The following PLCE1 variants were observed in gnomAD, a reference collection of about 807,000 sequenced individuals.
PLCE1 encodes the protein phospholipase C epsilon 1, also known as 1-phosphatidylinositol 4,5-bisphosphate phosphodiesterase epsilon-1.
PLCE1 carries 119 observed loss-of-function variants against 242.8 expected under a neutral mutation model. The observed-to-expected ratio is 0.49, with a 90% CI of 0.42 to 0.57. The LOEUF (loss-of-function observed/expected upper bound fraction) is 0.57, where lower values mean the gene tolerates loss of function less well. PLCE1 is among the 20% of genes least tolerant of loss of function. PLCE1 has a pLI of 0.00. For synonymous variants in PLCE1, 945 were observed against 1,017.4 expected (o/e 0.93, Z 1.35); for missense variants, 2,441 against 2,788.8 (o/e 0.88, Z 2.81).
chr10:94,117,091 A>G (rs1005462706), intron 2 of PLCE1, among the ~76,000 whole-genome samples: 29 of 152,124 alleles, frequency 1.9e-4, no homozygotes, highest in Non-Finnish European at 4.0e-4. Context: ...TTCTCCTCCA[A>G]TCATGAGCAC....
chr10:94,304,642 A>G lies in PLCE1; in HGVS notation c.5619A>G (p.Leu1873=). ...GCATGGATCCTGCAGTCTATTCTTT[A>G]ACTGTAAGTACGGCCCCTAGAGAAA... The part of the protein sequence containing the change: ...LDSMDPAVYS[L]TIVSGQNVCP... The change falls in exon 25 of 33, where the codon TTA becomes TTG. Residue 1873 remains leucine (L), a synonymous_variant. Transcript: ENST00000371380. 1 of 1,613,934 alleles carries G rather than the reference A, an allele frequency of 6.2e-7. No homozygotes were observed. The highest frequency in any genetic ancestry group is 8.5e-7 in the Non-Finnish European group (1 of 1,179,886).
rs529851254 is a variant in PLCE1, at chr10:94,164,103, C to T, written c.1493-7077C>T. Reference sequence around the variant, plus strand: ...CTTAACATTTTTTCCTTCATTTCAACTTTGGTGAATCTGACCATTATGTGT... The same window carrying T: ...CTTAACATTTTTTCCTTCATTTCAATTTTGGTGAATCTGACCATTATGTGT... On this transcript the variant is annotated intron_variant, in intron 3 of 32. Transcript: ENST00000371380. Among the ~76,000 whole-genome samples, 12 of 152,266 alleles carry T rather than the reference C, an allele frequency of 7.9e-5. No individual in the cohort carries two copies. The East Asian group carries it at 2.3e-3, about 29-fold the overall frequency.
At chr10:94,096,493 C>G (rs903798612) in intron 2 of PLCE1, 1 of 152,136 alleles carries the variant, frequency 6.6e-6, no homozygotes, top group East Asian at 1.9e-4. Flanking sequence ...GGGGAAAAGC[C>G]CTTTATAAAA....
At chr10:94,023,708 C>G (rs964153627) in intron 1 of PLCE1, among the ~76,000 whole-genome samples, 1 of 152,048 alleles carries the variant, frequency 6.6e-6, no homozygotes, top group Non-Finnish European at 1.5e-5. Context: ...GTATTGGCAG[C>G]CTTATCAATG....
intron 4 of PLCE1, among the ~76,000 whole-genome samples, chr10:94,187,738 A>G (rs762149724): frequency 6.6e-6 from 1 of 152,180 alleles, no homozygotes. Context: ...ACATGGACTT[A>G]CAAGGTGAAA....
chr10:94,036,927 A>G (rs2061675295), intron 2 of PLCE1, among the ~76,000 whole-genome samples: 1 of 152,168 alleles, frequency 6.6e-6, no homozygotes, highest in Non-Finnish European at 1.5e-5. Context: ...TTGTTCCACA[A>G]GATTTACTGT....
chr10:94,010,744 A>G (rs565958152), intron 1 of PLCE1, among the ~76,000 whole-genome samples: 5 of 152,312 alleles, frequency 3.3e-5, no homozygotes, highest in African/African-American at 1.2e-4. Context: ...ACTTGGACAC[A>G]ATGGAGCCAA....
chr10:94,156,214 C>G (rs904490785), intron 3 of PLCE1, among the ~76,000 whole-genome samples: 2 of 152,180 alleles, frequency 1.3e-5, no homozygotes, highest in Admixed American at 6.5e-5. Context: ...TCTCCTGACA[C>G]CAACTGGGCG....
chr10:94,264,945 T>C (rs2051459245), intron 14 of PLCE1, among the ~76,000 whole-genome samples: 1 of 152,188 alleles, frequency 6.6e-6, no homozygotes, highest in South Asian at 2.1e-4. Flanking sequence ...CTGGGCAATA[T>C]AGTAAGACCC....
At chr10:94,248,002 T>A (rs2050746719) in intron 8 of PLCE1, among the ~76,000 whole-genome samples, 1 of 152,250 alleles carries the variant, frequency 6.6e-6, no homozygotes, top group South Asian at 2.1e-4. Context: ...AAGAAATATC[T>A]TTTGTATTGT....
intron 14 of PLCE1, among the ~76,000 whole-genome samples, chr10:94,264,224 G>A (rs781230636): frequency 7.9e-5 from 12 of 152,168 alleles, no homozygotes; most frequent in Non-Finnish European, 1.5e-4. Flanking sequence ...CATTTGGACT[G>A]AGCCCTAAGT....
At position 94,246,082 on chromosome 10, in the gene PLCE1, A is replaced by C; in HGVS notation, c.2557A>C (p.Ile853Leu). 1 of 1,614,136 alleles carries C rather than the reference A, an allele frequency of 6.2e-7. No homozygotes were observed. The highest frequency in any genetic ancestry group is 1.1e-5 in the South Asian group (1 of 91,082). ...GCTCATCCCTTGGTACGTGCTGTCC[A>C]TCCAAGCCGATGTGCACCAGTTCCT... ...TELIPWYVLS[I>L]QADVHQFLLQ... Residue 853 changes from isoleucine to leucine, a missense_variant, in exon 8 of 33, where the codon ATC (isoleucine) becomes CTC (leucine). Transcript: ENST00000371380.
At chr10:94,312,210 A>C (rs922687845) in intron 27 of PLCE1, among the ~76,000 whole-genome samples, 1 of 152,254 alleles carries the variant, frequency 6.6e-6, no homozygotes, top group African/African-American at 2.4e-5. Context: ...AAAAAATCAC[A>C]TTGTGCAAGC....
intron 2 of PLCE1, among the ~76,000 whole-genome samples, chr10:94,055,847 T>C (rs77504924): frequency 0.013 from 1,973 of 152,312 alleles, 50 homozygotes; most frequent in African/African-American, 0.044. Context: ...TTAGGATCCA[T>C]AGAGATACTC....
At chr10:94,155,428 G>C (rs1312590538) in intron 3 of PLCE1, among the ~76,000 whole-genome samples, 1 of 152,140 alleles carries the variant, frequency 6.6e-6, no homozygotes, top group Non-Finnish European at 1.5e-5. Context: ...TCCAGCATGG[G>C]CAAATCCTTA....
intron 3 of PLCE1, among the ~76,000 whole-genome samples, chr10:94,166,319 T>C (rs2047800454): frequency 6.6e-6 from 1 of 152,174 alleles, no homozygotes; most frequent in Non-Finnish European, 1.5e-5. Context: ...GTACAAAGAA[T>C]ACACGTTTAA....
chr10:94,269,450 T>C (rs1221407098), intron 17 of PLCE1, among the ~76,000 whole-genome samples: 2 of 152,076 alleles, frequency 1.3e-5, no homozygotes, highest in Admixed American at 6.5e-5. Flanking sequence ...ACACCTTAGA[T>C]CAAGGGTCTT....
At chr10:94,119,385 T>C (rs552391242) in intron 2 of PLCE1, among the ~76,000 whole-genome samples, 17 of 152,188 alleles carry the variant, frequency 1.1e-4, no homozygotes, top group Non-Finnish European at 1.5e-4. Context: ...ATAGCTTGCA[T>C]AGGTAGTTTG....
chr10:94,059,115 T>A (rs1198697304), intron 2 of PLCE1, among the ~76,000 whole-genome samples: 1 of 152,122 alleles, frequency 6.6e-6, no homozygotes. Flanking sequence ...GACACAGTCA[T>A]GATGGAGAAG....
Sources: allele counts gnomAD v4.1 joint callset (sites outside exome capture counted in the v4.1 genomes callset), GRCh38; gene constraint gnomAD v4.1.1; transcripts MANE v1.5; gene names NCBI Gene and HGNC (gene_info 2026-07-23, HGNC 2026-07-21).